SRGAP1: variants seen among roughly 807,000 people sequenced by gnomAD.
SRGAP1 encodes the protein SLIT-ROBO Rho GTPase-activating protein 1.
Under a neutral mutation model 121.9 loss-of-function variants are expected in SRGAP1, and 43 were observed. The ratio of observed to expected loss-of-function variants is 0.35; its 90% CI spans 0.28 to 0.46. The LOEUF is 0.46. Among genes scored for constraint, SRGAP1 ranks in the 20% least tolerant of loss-of-function variants. The pLI, the probability that SRGAP1 is intolerant of heterozygous loss-of-function variation, is 1.00. For missense variants in SRGAP1, 1,102 were observed against 1,350.9 expected, an observed-to-expected ratio of 0.82 and a Z score of 2.89; for synonymous variants, 447 against 485.4, an observed-to-expected ratio of 0.92 and a Z score of 1.04.
rs560279726 is a variant in SRGAP1 at position 64,020,962 on chromosome 12, A to G, written c.489+3950A>G. Among the ~76,000 whole-genome samples, 10 of 150,844 alleles carry G rather than the reference A, an allele frequency of 6.6e-5. No homozygotes were observed. The South Asian group carries it at 2.1e-3, about 31-fold the overall frequency. On this transcript the variant is annotated intron_variant, in intron 4 of 21. Coordinates refer to ENST00000355086, the MANE Select transcript of SRGAP1 (RefSeq NM_020762.4). ...TTCTGTCTCACAAAAAAAAAAAAAA[A>G]GACCAAAGATTGACAGTGCAGGCCG...
chr12:64,009,193 TA>T (rs963563185), intron 3 of SRGAP1, among the ~76,000 whole-genome samples: 1 of 152,184 alleles, frequency 6.6e-6, no homozygotes, highest in African/African-American at 2.4e-5. Context: ...TACTTTTTGA[TA>T]TTTTTAGTTA....
chr12:63,971,876 C>T (rs149828943), intron 1 of SRGAP1, among the ~76,000 whole-genome samples: 19 of 152,052 alleles, frequency 1.2e-4, no homozygotes, highest in East Asian at 3.9e-4. Flanking sequence ...TTTAGAATTG[C>T]GGCTTTCAGT....
At chr12:63,902,319 T>C (rs916140669) in intron 1 of SRGAP1, among the ~76,000 whole-genome samples, 1 of 152,206 alleles carries the variant, frequency 6.6e-6, no homozygotes, top group African/African-American at 2.4e-5. Flanking sequence ...CTAGACACTA[T>C]TCCAAGAACA....
intron 1 of SRGAP1, among the ~76,000 whole-genome samples, chr12:63,924,540 A>G (rs1161121119): frequency 6.6e-6 from 1 of 152,238 alleles, no homozygotes; most frequent in African/African-American, 2.4e-5. Context: ...CTAGTTTACT[A>G]TATGGTTTTC....
In SRGAP1 at chr12:64,043,516, G is replaced by A; in HGVS notation, c.742G>A (p.Glu248Lys). 4 of 1,612,462 alleles carry A rather than the reference G, an allele frequency of 2.5e-6. No homozygotes were observed. Among genetic ancestry groups the A allele is most frequent in the Non-Finnish European group, 3.4e-6 (4 of 1,179,088 alleles). The change falls in exon 6 of 22, where the codon GAA becomes AAA. Residue 248 changes from glutamate to lysine, a missense_variant. By Grantham distance (56) the Glu-to-Lys change is moderately conservative. Around this residue, in one of 3 missense-constraint regions of SRGAP1, gnomAD observed 747 missense variants for 929.4 expected, o/e 0.80. Transcript: ENST00000355086. ...ACGGAACGAATATCTCCTAACACTT[G>A]AAGCCACCAATGCCTCAGTTTTCAA... ...KARNEYLLTL[E>K]ATNASVFKYY...
chr12:63,963,950 T>A (rs1274914714), intron 1 of SRGAP1, among the ~76,000 whole-genome samples: 1 of 152,336 alleles, frequency 6.6e-6, no homozygotes, highest in East Asian at 1.9e-4. Context: ...AGAGTAAGGT[T>A]GTTTTATTTG....
intron 1 of SRGAP1, among the ~76,000 whole-genome samples, chr12:63,978,099 T>C (rs956333268): frequency 6.6e-6 from 1 of 152,202 alleles, no homozygotes; most frequent in Admixed American, 6.5e-5. Context: ...CAAAAAGTAC[T>C]GGGTGTGGAA....
chr12:63,854,851 C>T (rs1394485587), intron 1 of SRGAP1, among the ~76,000 whole-genome samples: 3 of 152,216 alleles, frequency 2.0e-5, no homozygotes, highest in South Asian at 4.2e-4. Context: ...CTGATGTATA[C>T]GTACAAGAAG....
At chr12:64,000,712 C>G (rs1320814693) in intron 3 of SRGAP1, among the ~76,000 whole-genome samples, 1 of 152,170 alleles carries the variant, frequency 6.6e-6, no homozygotes, top group Non-Finnish European at 1.5e-5. Context: ...CAAGACTCTG[C>G]CAAGGGGGCA....
rs147156729 is a variant in SRGAP1, at chr12:63,844,987, A to AG, written c.67+108dup. The AG allele has an allele frequency of 0.012, 14,746 of 1,181,018 alleles. 152 individuals carry two copies. Among genetic ancestry groups the AG allele is most frequent in the Non-Finnish European group, 0.016 (12,534 of 791,056 alleles). The allele number at this position is 1,181,018 out of a possible 1,614,324, so 73.2% of individuals were successfully genotyped here. On this transcript the variant is annotated intron_variant, in intron 1 of 21. Coordinates refer to ENST00000355086, the MANE Select transcript of SRGAP1 (RefSeq NM_020762.4). The surrounding 1 kb of genome is among the most constrained non-coding windows in gnomAD (Gnocchi z 4.3). ...GTGTCTGCGTGGGAGGAAGGTGGTG[A>AG]GGGGACAGCTCGAGCCCTGTCTGAG...
At chr12:64,003,005 G>T (rs1040926995) in intron 3 of SRGAP1, among the ~76,000 whole-genome samples, 1 of 148,196 alleles carries the variant, frequency 6.7e-6, no homozygotes, top group South Asian at 2.2e-4. Flanking sequence ...AAGATCTTGG[G>T]GGGGGTGTGT....
In SRGAP1 at chr12:64,144,016, A is replaced by G. The variant is rs2037010122; in HGVS notation, c.*1344A>G. 1 of 152,136 alleles carries G rather than the reference A, an allele frequency of 6.6e-6. No individual in the cohort carries two copies. Among genetic ancestry groups the G allele is most frequent in the Non-Finnish European group, 1.5e-5 (1 of 68,044 alleles). 9.4% of individuals were successfully genotyped at this position (152,136 alleles called of 1,614,324 possible). On this transcript the variant is annotated 3_prime_UTR_variant, in exon 22 of 22. Coordinates refer to ENST00000355086, the MANE Select transcript of SRGAP1 (RefSeq NM_020762.4). ...GGTTTTGGTTTTGTATGTGGGCTCT[A>G]TGTAACTCCCATAGTCAGCTGAACT...
chr12:63,926,056 T>G (rs1458525363), intron 1 of SRGAP1, among the ~76,000 whole-genome samples: 1 of 152,202 alleles, frequency 6.6e-6, no homozygotes, highest in African/African-American at 2.4e-5. Flanking sequence ...CCTTTTATCC[T>G]TCTCTCTCAA....
intron 4 of SRGAP1, among the ~76,000 whole-genome samples, chr12:64,039,495 G>A (rs767888807): frequency 3.3e-5 from 5 of 151,996 alleles, no homozygotes; most frequent in Non-Finnish European, 7.4e-5. Context: ...TTTTTTCTTT[G>A]CGATAATTTA....
intron 6 of SRGAP1, among the ~76,000 whole-genome samples, chr12:64,047,527 GCA>G (rs1286276376): frequency 3.9e-5 from 6 of 152,144 alleles, no homozygotes; most frequent in African/African-American, 1.4e-4. Context: ...CATTTTTAAT[GCA>G]CAGCATTTTG....
intron 6 of SRGAP1, among the ~76,000 whole-genome samples, chr12:64,048,048 TG>T (rs1219731835): frequency 2.0e-4 from 31 of 152,294 alleles, no homozygotes; most frequent in African/African-American, 6.7e-4. Context: ...GTAATTACTG[TG>T]TAGTAATTTA....
intron 3 of SRGAP1, among the ~76,000 whole-genome samples, chr12:64,003,032 G>T (rs2033950933): frequency 7.8e-6 from 1 of 127,784 alleles, no homozygotes; most frequent in South Asian, 2.6e-4. Flanking sequence ...GTGAGAGAGA[G>T]AGAGAGAGAG....
intron 21 of SRGAP1, among the ~76,000 whole-genome samples, chr12:64,135,865 TAACTC>T: frequency 6.6e-6 from 1 of 152,220 alleles, no homozygotes; most frequent in Admixed American, 6.5e-5. Flanking sequence ...AGTTTATTAT[TAACTC>T]ACACAATCAC....
At chr12:63,943,382 G>C (rs2031931749) in intron 1 of SRGAP1, among the ~76,000 whole-genome samples, 1 of 152,094 alleles carries the variant, frequency 6.6e-6, no homozygotes, top group Admixed American at 6.6e-5. Flanking sequence ...AACATTCATT[G>C]AGCTCTTAGC....
Sources: allele counts gnomAD v4.1 joint callset (sites outside exome capture counted in the v4.1 genomes callset), GRCh38; gene constraint gnomAD v4.1.1; regional missense constraint gnomAD v4.1.1; non-coding constraint Gnocchi (gnomAD v3.1); transcripts MANE v1.5; gene names NCBI Gene and HGNC (gene_info 2026-07-23, HGNC 2026-07-21).